SGCZ: variants seen among roughly 807,000 people sequenced by gnomAD.
The protein encoded by SGCZ is zeta-sarcoglycan.
SGCZ carries 40 observed loss-of-function variants against 41.3 expected under a neutral mutation model. That is an observed-to-expected ratio of 0.97 (90% CI 0.75 to 1.26). The LOEUF is 1.26. Ranked by LOEUF, SGCZ falls within the 50% of genes most tolerant of loss-of-function variation. SGCZ has a pLI of 0.00. For synonymous variants in SGCZ, 206 were observed against 137.5 expected (o/e 1.50, Z -3.49); for missense variants, 552 against 369.8 (o/e 1.49, Z -4.04).
At chr8:14,714,866 CG>C (rs1809636900) in intron 1 of SGCZ, among the ~76,000 whole-genome samples, 1 of 151,802 alleles carries the variant, frequency 6.6e-6, no homozygotes, top group Non-Finnish European at 1.5e-5. Flanking sequence ...CCAGGGAATG[CG>C]GGGATGTTTT....
intron 1 of SGCZ, among the ~76,000 whole-genome samples, chr8:15,000,526 G>A (rs1023758043): frequency 6.6e-6 from 1 of 152,136 alleles, no homozygotes; most frequent in Admixed American, 6.5e-5. Flanking sequence ...AGACAAGCAA[G>A]CTAGGAGCTT....
rs533428815 is a variant in SGCZ at position 14,862,578 on chromosome 8, A to G, written c.40-307652T>C. On this transcript the variant is annotated intron_variant, in intron 1 of 7. Coordinates refer to ENST00000382080, the MANE Select transcript of SGCZ (RefSeq NM_139167.4). The stretch of plus-strand genomic sequence containing the variant: ...TATATATATATATATATATATATAT[A>G]TATACACACACAATTGCAAAACATA... Among the ~76,000 whole-genome samples the G allele has an allele frequency of 2.1e-3, 291 of 136,262 alleles. 10 individuals carry two copies. In the East Asian group the frequency reaches 0.048, roughly 23 times the overall value. The allele number at this position is 136,262 out of a possible 152,430, so 89.4% of individuals were successfully genotyped here. A position where few individuals can be genotyped will look rare whatever the true frequency, so the allele number is the denominator to read the frequency against.
intron 1 of SGCZ, among the ~76,000 whole-genome samples, chr8:14,583,862 T>C (rs954843611): frequency 9.9e-5 from 15 of 152,130 alleles, no homozygotes; most frequent in Non-Finnish European, 1.8e-4. Context: ...TTAGCTTTTA[T>C]TTATTTAGGT....
chr8:14,192,991 A>G (rs1454946432), intron 4 of SGCZ, among the ~76,000 whole-genome samples: 1 of 152,026 alleles, frequency 6.6e-6, no homozygotes, highest in Non-Finnish European at 1.5e-5. Context: ...ATATGCTGAC[A>G]AAGCTTTTCT....
chr8:14,495,596 A>AT (rs1365516304), intron 2 of SGCZ, among the ~76,000 whole-genome samples: 1 of 152,124 alleles, frequency 6.6e-6, no homozygotes, highest in East Asian at 1.9e-4. Context: ...TTTTACATAT[A>AT]TTTTCTCATT....
chr8:14,456,389 G>GAAA (rs908418878), intron 2 of SGCZ, among the ~76,000 whole-genome samples: 4 of 152,060 alleles, frequency 2.6e-5, no homozygotes, highest in Admixed American at 2.6e-4. Context: ...GCCTGCGCAA[G>GAAA]AAGAGTGAAA....
rs111988386 is a variant in SGCZ at position 14,385,991 on chromosome 8, T to C, written c.235-61787A>G. Among the ~76,000 whole-genome samples the C allele has an allele frequency of 7.9e-5, 12 of 152,364 alleles. 1 individual carries two copies. The highest frequency in any genetic ancestry group is 1.9e-4 in the African/African-American group (8 of 41,600). ...AATACCAAATACAATGTAAATACTA[T>C]GTAAATCGCTGTTATACTCTACTTT... On this transcript the variant is annotated intron_variant, in intron 2 of 7. Coordinates refer to ENST00000382080, the MANE Select transcript of SGCZ (RefSeq NM_139167.4).
intron 1 of SGCZ, among the ~76,000 whole-genome samples, chr8:14,928,169 A>G (rs143182043): frequency 6.6e-6 from 1 of 152,322 alleles, no homozygotes; most frequent in African/African-American, 2.4e-5. Flanking sequence ...TGCTCAGATT[A>G]TCTCTGAGTA....
chr8:14,798,934 T>A (rs1324005353), intron 1 of SGCZ, among the ~76,000 whole-genome samples: 1 of 151,896 alleles, frequency 6.6e-6, no homozygotes, highest in African/African-American at 2.4e-5. Flanking sequence ...TAGAGAAAAG[T>A]CTCATTTCTG....
chr8:14,723,711 CAT>C (rs1190252250), intron 1 of SGCZ, among the ~76,000 whole-genome samples: 2 of 151,844 alleles, frequency 1.3e-5, no homozygotes, highest in South Asian at 2.1e-4. Flanking sequence ...TATATGCATA[CAT>C]ATGTCTATAT....
intron 1 of SGCZ, among the ~76,000 whole-genome samples, chr8:14,815,794 T>C (rs74420619): frequency 0.032 from 4,887 of 152,282 alleles, 183 homozygotes; most frequent in African/African-American, 0.09. Flanking sequence ...TGATGTTATC[T>C]GTGGTATTAT....
At chr8:14,585,851 G>T (rs1351076642) in intron 1 of SGCZ, among the ~76,000 whole-genome samples, 2 of 152,160 alleles carry the variant, frequency 1.3e-5, no homozygotes, top group Non-Finnish European at 2.9e-5. Context: ...GAACACTCAA[G>T]AAGTAGATTT....
intron 1 of SGCZ, among the ~76,000 whole-genome samples, chr8:15,065,610 T>C (rs1048792714): frequency 6.6e-6 from 1 of 151,828 alleles, no homozygotes; most frequent in African/African-American, 2.4e-5. Flanking sequence ...CTAACGTTTT[T>C]GTATTTTCGG....
intron 1 of SGCZ, among the ~76,000 whole-genome samples, chr8:14,670,028 A>T (rs987002870): frequency 3.3e-5 from 5 of 152,214 alleles, no homozygotes; most frequent in African/African-American, 1.2e-4. Flanking sequence ...AACTAAGTTT[A>T]TATCTTTTTC....
At chr8:15,155,784 G>T (rs555563671) in intron 1 of SGCZ, among the ~76,000 whole-genome samples, 2 of 152,140 alleles carry the variant, frequency 1.3e-5, no homozygotes, top group Non-Finnish European at 2.9e-5. Flanking sequence ...TGGGCTGAGC[G>T]TGGTGACTTA....
chr8:14,829,296 A>C (rs1044537459), intron 1 of SGCZ, among the ~76,000 whole-genome samples: 5 of 134,728 alleles, frequency 3.7e-5, no homozygotes. Context: ...TGTTTTTTAA[A>C]AAACTGCATT....
intron 1 of SGCZ, among the ~76,000 whole-genome samples, chr8:15,215,484 C>G (rs1281669623): frequency 1.3e-5 from 2 of 152,174 alleles, no homozygotes; most frequent in South Asian, 2.1e-4. Context: ...AACATACACA[C>G]ACCTACATCT....
intron 1 of SGCZ, among the ~76,000 whole-genome samples, chr8:14,825,509 T>A (rs1802272048): frequency 1.3e-5 from 2 of 152,218 alleles, no homozygotes; most frequent in African/African-American, 2.4e-5. Context: ...ACAAAATAAT[T>A]GTGACTTTAA....
At chr8:14,206,551 G>C (rs1046712935) in intron 4 of SGCZ, among the ~76,000 whole-genome samples, 1 of 152,126 alleles carries the variant, frequency 6.6e-6, no homozygotes, top group African/African-American at 2.4e-5. Context: ...CTTTATTAGA[G>C]ATAATTTCAT....
Sources: gnomAD v4.1 joint callset for allele counts (sites outside exome capture counted in the v4.1 genomes callset) on GRCh38, gnomAD v4.1.1 for gene constraint, MANE v1.5 for transcripts, NCBI Gene and HGNC (gene_info 2026-07-23, HGNC 2026-07-21) for gene names.